Variants in STK32B observed in about 807,000 individuals in gnomAD.
STK32B encodes serine/threonine-protein kinase 32B.
STK32B carries 43 observed loss-of-function variants against 52.6 expected under a neutral mutation model. The ratio of observed to expected loss-of-function variants is 0.82; its 90% CI spans 0.64 to 1.05. The LOEUF is 1.05. Among genes scored for constraint, STK32B ranks in the 50% least tolerant of loss-of-function variants. STK32B has a pLI of 0.00. For missense variants in STK32B, 621 were observed against 534.6 expected, an observed-to-expected ratio of 1.16 and a Z score of -1.59; for synonymous variants, 238 against 204.3, an observed-to-expected ratio of 1.17 and a Z score of -1.41.
chr4:5,421,692 C>T (rs762869404), intron 6 of STK32B, among the ~76,000 whole-genome samples: 33 of 152,230 alleles, frequency 2.2e-4, no homozygotes, highest in African/African-American at 7.0e-4. Flanking sequence ...TCCAGGAAAG[C>T]AGAGCCATGG....
At chr4:5,152,610 G>T (rs550973237) in intron 2 of STK32B, among the ~76,000 whole-genome samples, 1 of 152,280 alleles carries the variant, frequency 6.6e-6, no homozygotes, top group African/African-American at 2.4e-5. Context: ...AGTGCAGAGT[G>T]TGTGTCTGGT....
chr4:5,067,273 C>T (rs1742460463), intron 1 of STK32B, among the ~76,000 whole-genome samples: 1 of 152,168 alleles, frequency 6.6e-6, no homozygotes, highest in African/African-American at 2.4e-5. Flanking sequence ...TTATCTCCCA[C>T]TCGGTCCCTC....
At chr4:5,341,693 C>G (rs1032878424) in intron 4 of STK32B, among the ~76,000 whole-genome samples, 1 of 152,098 alleles carries the variant, frequency 6.6e-6, no homozygotes, top group Non-Finnish European at 1.5e-5. Flanking sequence ...TTAATTAGCT[C>G]ATGGTTCTGC....
At chr4:5,314,344 G>A (rs1730518022) in intron 3 of STK32B, among the ~76,000 whole-genome samples, 1 of 152,134 alleles carries the variant, frequency 6.6e-6, no homozygotes, top group South Asian at 2.1e-4. Context: ...GCAGAAGAAT[G>A]AACCATCACC....
At chr4:5,334,089 T>A (rs1337111798) in intron 4 of STK32B, among the ~76,000 whole-genome samples, 2 of 152,096 alleles carry the variant, frequency 1.3e-5, no homozygotes, top group Non-Finnish European at 2.9e-5. Flanking sequence ...TTTCACGATA[T>A]TGATTCTTCC....
intron 4 of STK32B, among the ~76,000 whole-genome samples, chr4:5,383,392 C>A (rs928112261): frequency 1.3e-5 from 2 of 152,182 alleles, no homozygotes; most frequent in Admixed American, 1.3e-4. Context: ...TCCGAGCTGA[C>A]CACTGGAGCT....
At chr4:5,318,949 G>T (rs1197141148) in intron 3 of STK32B, among the ~76,000 whole-genome samples, 2 of 151,942 alleles carry the variant, frequency 1.3e-5, no homozygotes, top group African/African-American at 4.8e-5. Context: ...ACAGGTGCCC[G>T]CCACCATGCC....
intron 3 of STK32B, among the ~76,000 whole-genome samples, chr4:5,188,646 C>A (rs1407552109): frequency 1.3e-5 from 2 of 152,156 alleles, no homozygotes; most frequent in African/African-American, 4.8e-5. Flanking sequence ...TAACCCACTT[C>A]CTGTGTGGCT....
intron 7 of STK32B, among the ~76,000 whole-genome samples, chr4:5,450,875 ACT>A (rs1427527833): frequency 6.6e-6 from 1 of 152,164 alleles, no homozygotes; most frequent in Non-Finnish European, 1.5e-5. Context: ...AGAGGCAGGC[ACT>A]GAGAGCAGAG....
chr4:5,399,929 T>C lies in STK32B; in HGVS notation c.472+1685T>C, dbSNP rs966002274. On this transcript the variant is annotated intron_variant, in intron 5 of 11. Coordinates refer to ENST00000282908, the MANE Select transcript of STK32B (RefSeq NM_018401.3). This position sits in a 1 kb window ranked among gnomAD's most constrained non-coding sequence, Gnocchi z 5.4. ...AGAGGTGAGAAAACACAGAGGCTGG[T>C]TCTGCTTAGCTGTCTGGAAAGCAGG... is the stretch of plus-strand genomic sequence containing the variant. 6.6e-6 allele frequency among the ~76,000 whole-genome samples: 1 copy of C among 152,088 alleles called. No homozygotes were observed. The highest frequency in any genetic ancestry group is 1.5e-5 in the Non-Finnish European group (1 of 68,012).
chr4:5,140,516 ATTG>A (rs572314034), intron 2 of STK32B, among the ~76,000 whole-genome samples: 3 of 151,800 alleles, frequency 2.0e-5, no homozygotes, highest in Admixed American at 6.6e-5. Context: ...TTTCACATCT[ATTG>A]TTATTTCCAT....
At chr4:5,274,588 A>G (rs1040380757) in intron 3 of STK32B, among the ~76,000 whole-genome samples, 3 of 152,194 alleles carry the variant, frequency 2.0e-5, no homozygotes, top group African/African-American at 2.4e-5. Flanking sequence ...CAGGAGGTAA[A>G]GAAATAGCCA....
rs1428802706 is a variant in STK32B, at chr4:5,399,799, C to A, written c.472+1555C>A. 6.6e-6 allele frequency among the ~76,000 whole-genome samples: 1 copy of A among 152,072 alleles called. No homozygotes were observed. The highest frequency in any genetic ancestry group is 1.5e-5 in the Non-Finnish European group (1 of 68,012). ...CGGGTGAGACTCGAAGGTCAGCCAC[C>A]CATCACAGTATGCAAGCGCTCGGGA... On this transcript the variant is annotated intron_variant, in intron 5 of 11. Transcript: ENST00000282908. This position sits in a 1 kb window ranked among gnomAD's most constrained non-coding sequence, Gnocchi z 5.4.
intron 9 of STK32B, among the ~76,000 whole-genome samples, chr4:5,466,488 T>G (rs1490838718): frequency 6.6e-6 from 1 of 152,190 alleles, no homozygotes; most frequent in Non-Finnish European, 1.5e-5. Context: ...AGGAGTGCGG[T>G]TGCCCCAGGG....
chr4:5,244,326 T>C (rs1369896157), intron 3 of STK32B, among the ~76,000 whole-genome samples: 1 of 152,192 alleles, frequency 6.6e-6, no homozygotes, highest in African/African-American at 2.4e-5. Flanking sequence ...TGTTGAGGAA[T>C]TTATCCATTT....
intron 3 of STK32B, among the ~76,000 whole-genome samples, chr4:5,211,393 C>G (rs73208982): frequency 0.24 from 36,009 of 149,558 alleles, 5,256 homozygotes; most frequent in Non-Finnish European, 0.34. Context: ...CCTGGCAGTA[C>G]AGCTACCACT....
At chr4:5,444,783 T>G (rs1336691244) in intron 6 of STK32B, among the ~76,000 whole-genome samples, 1 of 152,154 alleles carries the variant, frequency 6.6e-6, no homozygotes, top group Non-Finnish European at 1.5e-5. Flanking sequence ...AATAAACCAT[T>G]ATTATTATCT....
intron 3 of STK32B, among the ~76,000 whole-genome samples, chr4:5,293,313 C>T (rs9993373): frequency 1.3e-5 from 2 of 151,742 alleles, no homozygotes; most frequent in Non-Finnish European, 2.9e-5. Flanking sequence ...CCAGTAATGA[C>T]ATTACTGGGT....
At chr4:5,049,887 T>C (rs1377640230), upstream of STK32B, among the ~76,000 whole-genome samples, 1 of 152,172 alleles carries the variant, frequency 6.6e-6, no homozygotes, top group South Asian at 2.1e-4. Context: ...ACGCCCGGCC[T>C]AGCACAATAT....
Sources: allele counts gnomAD v4.1 joint callset (sites outside exome capture counted in the v4.1 genomes callset), GRCh38; gene constraint gnomAD v4.1.1; non-coding constraint Gnocchi (gnomAD v3.1); transcripts MANE v1.5; gene names NCBI Gene and HGNC (gene_info 2026-07-23, HGNC 2026-07-21).